CDKL4: variants seen among roughly 807,000 people sequenced by gnomAD.
CDKL4 encodes cyclin-dependent kinase-like 4.
CDKL4 carries 44 observed loss-of-function variants against 42.0 expected under a neutral mutation model. The ratio of observed to expected loss-of-function variants is 1.05; its 90% confidence interval spans 0.82 to 1.35. The LOEUF is 1.35. CDKL4 is among the 40% of genes most tolerant of loss of function. The probability of loss-of-function intolerance (pLI) is 0.00; values close to 1 mark genes in which losing one functional copy is unlikely to be tolerated. For synonymous variants in CDKL4, 120 were observed against 121.6 expected (o/e 0.99, Z 0.09); for missense variants, 393 against 369.9 (o/e 1.06, Z -0.51).
intron 5 of CDKL4, among the ~76,000 whole-genome samples, chr2:39,201,280 C>A (rs1169886423): frequency 7.0e-6 from 1 of 143,852 alleles, no homozygotes. Context: ...TTTACTCCTG[C>A]AAGAATGGCT....
chr2:39,178,523 A>G (rs1424256522), intron 9 of CDKL4: 5 of 1,549,092 alleles, frequency 3.2e-6, no homozygotes, highest in Non-Finnish European at 4.4e-6. Flanking sequence ...GCCCTGAACC[A>G]AAACAAACCT....
chr2:39,179,060 G>A, intron 9 of CDKL4, 127 bp downstream of exon 9: 2 of 1,504,580 alleles, frequency 1.3e-6, no homozygotes, highest in African/African-American at 2.8e-5. Flanking sequence ...TATTAAGCTA[G>A]ACAAATACAA....
upstream of CDKL4, among the ~76,000 whole-genome samples, chr2:39,246,715 T>A (rs1248762488): frequency 6.6e-6 from 1 of 152,148 alleles, no homozygotes; most frequent in East Asian, 1.9e-4. Flanking sequence ...CAAATCTTAC[T>A]ACACAAAGCA....
chr2:39,202,238 CAAACAAAACAAAACAAAACA>C lies in CDKL4; in HGVS notation c.454+2269_454+2288del, dbSNP rs58302117. On this transcript the variant is annotated intron_variant, in intron 5 of 9. Coordinates refer to ENST00000451199, the Ensembl canonical transcript of CDKL4. ...CAGAGCAAGACTCTGGACACTGTCT[CAAACAAAACAAAACAAAACA>C]AAACAAAACAAAACAAAACAAAACA... is the stretch of plus-strand genomic sequence containing the variant. 5.4e-5 allele frequency among the ~76,000 whole-genome samples: 8 copies of C among 148,790 alleles called. No individual in the cohort carries two copies. In the East Asian group the frequency reaches 8.1e-4, roughly 15 times the overall value.
intron 1 of CDKL4, among the ~76,000 whole-genome samples, chr2:39,236,633 A>G (rs1679390050): frequency 6.6e-6 from 1 of 152,182 alleles, no homozygotes; most frequent in Non-Finnish European, 1.5e-5. Context: ...ACAATAAACA[A>G]AAACTGGTTC....
In CDKL4 at chr2:39,190,285, C is replaced by G; in HGVS notation, c.652+20G>C. On this transcript the variant is annotated intron_variant, in intron 6 of 9. Transcript: ENST00000451199. ...CTATAACAATTCAGCAACTCTGTTGCCATAAAATGCAATTCATACCTAGTG... is the reference window on the plus strand; with the variant it reads ...CTATAACAATTCAGCAACTCTGTTGGCATAAAATGCAATTCATACCTAGTG... 6.3e-7 allele frequency: 1 copy of G among 1,589,984 alleles called. No individual in the cohort carries two copies. The highest frequency in any genetic ancestry group is 8.6e-7 in the Non-Finnish European group (1 of 1,158,830).
chr2:39,231,130 T>G (rs1378058301), intron 1 of CDKL4, among the ~76,000 whole-genome samples: 1 of 152,168 alleles, frequency 6.6e-6, no homozygotes, highest in East Asian at 1.9e-4. Context: ...GAGAATCTCT[T>G]GAACCCTGGA....
intron 4 of CDKL4, among the ~76,000 whole-genome samples, chr2:39,211,206 T>G (rs551564018): frequency 1.3e-5 from 2 of 152,072 alleles, no homozygotes; most frequent in African/African-American, 2.4e-5. Context: ...CTGGGCAAGA[T>G]AGTGAGACCC....
chr2:39,240,632 T>C (rs1208217701), intron 1 of CDKL4, among the ~76,000 whole-genome samples: 1 of 144,776 alleles, frequency 6.9e-6, no homozygotes, highest in Non-Finnish European at 1.5e-5. Flanking sequence ...CGAAATACTA[T>C]TCAGCAACAA....
exon 5 of CDKL4, chr2:39,204,595 G>T: frequency 6.3e-7 from 1 of 1,583,196 alleles, no homozygotes. Flanking sequence ...AATATTTTCA[G>T]GTTTTATATC....
intron 5 of CDKL4, among the ~76,000 whole-genome samples, chr2:39,192,665 G>A (rs1213282438): frequency 6.6e-6 from 1 of 150,818 alleles, no homozygotes; most frequent in Non-Finnish European, 1.5e-5. Context: ...CATTTATCAT[G>A]TTATTATAAA....
chr2:39,210,374 T>A (rs931661534), intron 4 of CDKL4, among the ~76,000 whole-genome samples: 4 of 152,148 alleles, frequency 2.6e-5, no homozygotes, highest in Non-Finnish European at 4.4e-5. Context: ...ATAGAACGTG[T>A]TGTTCCAAGC....
the CDKL4 span, among the ~76,000 whole-genome samples, chr2:39,170,277 C>CAA: frequency 8.4e-4 from 36 of 42,866 alleles, no homozygotes; most frequent in East Asian, 5.8e-3. Flanking sequence ...ACCCTGTCTC[C>CAA]AAAAAAAAAA....
chr2:39,233,308 C>A (rs1209780543), intron 1 of CDKL4, among the ~76,000 whole-genome samples: 2 of 151,914 alleles, frequency 1.3e-5, no homozygotes, highest in Non-Finnish European at 2.9e-5. Context: ...ACACTCACTA[C>A]AAGGAAGGGG....
intron 1 of CDKL4, among the ~76,000 whole-genome samples, chr2:39,243,670 C>A (rs1307437786): frequency 6.6e-6 from 1 of 152,308 alleles, no homozygotes; most frequent in East Asian, 1.9e-4. Flanking sequence ...CCCCGAGGGA[C>A]CCTCACCGGG....
chr2:39,198,403 A>G (rs1046340868), intron 5 of CDKL4, among the ~76,000 whole-genome samples: 2 of 152,174 alleles, frequency 1.3e-5, no homozygotes, highest in African/African-American at 4.8e-5. Context: ...GAGGACTTCA[A>G]CACTCCACTG....
intron 7 of CDKL4, among the ~76,000 whole-genome samples, 156 bp downstream of exon 7, chr2:39,187,471 G>A (rs571088210): frequency 2.0e-5 from 3 of 150,650 alleles, no homozygotes; most frequent in South Asian, 2.1e-4. Flanking sequence ...CTTGAGTCTC[G>A]GAGGTTGAGG....
chr2:39,243,801 C>T (rs1679783970), intron 1 of CDKL4, among the ~76,000 whole-genome samples, 70 bp downstream of exon 1: 1 of 152,222 alleles, frequency 6.6e-6, no homozygotes, highest in African/African-American at 2.4e-5. Flanking sequence ...CAGTCTAGAC[C>T]TCGCGGCTCA....
rs779085374 is a variant in CDKL4, at chr2:39,184,631, T to C, written c.752A>G (p.Lys251Arg). The C allele has an allele frequency of 1.7e-5, 28 of 1,611,400 alleles. No individual in the cohort carries two copies. In the Admixed American group the frequency reaches 4.7e-4, roughly 27 times the overall value. The change falls in exon 8 of 10, where the codon AAG becomes AGG. Residue 251 changes from lysine to arginine, a missense_variant. By Grantham distance (26) the Lys-to-Arg change is conservative (BLOSUM62 2). Transcript: ENST00000451199. ...AGCCACAGGATGAACATCTGAGAAC[T>C]TTTCCTCAAGAGTTTCCTGAAAAAC...
Sources: allele counts gnomAD v4.1 joint callset (sites outside exome capture counted in the v4.1 genomes callset), GRCh38; gene constraint gnomAD v4.1.1; transcripts MANE v1.5; gene names NCBI Gene and HGNC (gene_info 2026-07-23, HGNC 2026-07-21).